PPFIBP2: variants seen among roughly 807,000 people sequenced by gnomAD.
PPFIBP2 encodes the protein liprin-beta-2.
In PPFIBP2, 118 loss-of-function variants were observed where a neutral mutation model predicts 118.3. That is an observed-to-expected ratio of 1.00 (90% CI 0.86 to 1.16). The LOEUF is 1.16. PPFIBP2 is among the 50% of genes most tolerant of loss of function. PPFIBP2 has a pLI of 0.00. For synonymous variants in PPFIBP2, 414 were observed against 397.4 expected, an observed-to-expected ratio of 1.04 and a Z score of -0.50; for missense variants, 1,195 against 1,073.1, an observed-to-expected ratio of 1.11 and a Z score of -1.59.
intron 3 of PPFIBP2, among the ~76,000 whole-genome samples, chr11:7,580,460 A>G (rs945637052): frequency 2.0e-5 from 3 of 152,214 alleles, no homozygotes; most frequent in Non-Finnish European, 2.9e-5. Context: ...CCAGAGCAGG[A>G]GCCCTTGCCC....
At chr11:7,633,158 G>T (rs1053271588) in intron 12 of PPFIBP2, among the ~76,000 whole-genome samples, 1 of 152,120 alleles carries the variant, frequency 6.6e-6, no homozygotes, top group Non-Finnish European at 1.5e-5. Flanking sequence ...ACTGAGAAAG[G>T]ATCTGGCCAA....
At chr11:7,597,456 G>T (rs1453997528) in intron 4 of PPFIBP2, 104 bp from the exon 5 acceptor site, 1 of 1,532,548 alleles carries the variant, frequency 6.5e-7, no homozygotes, top group Non-Finnish European at 8.8e-7. Context: ...TTCACTGTGT[G>T]TAAGAGTCAG....
At chr11:7,655,512 C>A, downstream of PPFIBP2, 1 of 1,288,998 alleles carries the variant, frequency 7.8e-7, no homozygotes. Context: ...GGACTCTGAC[C>A]CTCTCCCCAC....
chr11:7,582,966 T>C (rs1026994518), intron 3 of PPFIBP2, among the ~76,000 whole-genome samples: 3 of 152,172 alleles, frequency 2.0e-5, no homozygotes, highest in African/African-American at 4.8e-5. Flanking sequence ...TTCTCCTCAA[T>C]TCTCAGGGAA....
chr11:7,625,713 G>C (rs1849907871), intron 7 of PPFIBP2, 64 bp from the exon 8 acceptor site: 2 of 1,345,550 alleles, frequency 1.5e-6, no homozygotes, highest in Admixed American at 3.4e-5. Flanking sequence ...ACTCTGACGG[G>C]AGGCACTTCA....
the PPFIBP2 span, among the ~76,000 whole-genome samples, chr11:7,663,783 T>C: frequency 6.6e-6 from 1 of 152,082 alleles, no homozygotes; most frequent in African/African-American, 2.4e-5. Context: ...CAGACTGCTG[T>C]GCTAGCAATC....
rs375704129 is a variant in PPFIBP2, at chr11:7,563,341, T to G, written c.65-2212T>G. Among the ~76,000 whole-genome samples the G allele has an allele frequency of 1.4e-4, 21 of 152,272 alleles. No homozygotes were observed. The South Asian group carries it at 4.1e-3, about 30-fold the overall frequency. ...TTCCCTGAAGTTTGGCTGTGGCTGTTCTAAGTCCACTCTTAATTGGATTTG... is the reference window on the plus strand; with the variant it reads ...TTCCCTGAAGTTTGGCTGTGGCTGTGCTAAGTCCACTCTTAATTGGATTTG... On this transcript the variant is annotated intron_variant, in intron 2 of 23. Transcript: ENST00000299492.
intron 3 of PPFIBP2, chr11:7,577,654 C>G (rs1469423748): frequency 4.4e-6 from 2 of 453,894 alleles, no homozygotes; most frequent in Non-Finnish European, 8.8e-6. Context: ...TGACTGGCTG[C>G]TTTGTCTGGG....
At chr11:7,604,241 TG>T (rs1847046211) in intron 5 of PPFIBP2, among the ~76,000 whole-genome samples, 1 of 152,008 alleles carries the variant, frequency 6.6e-6, no homozygotes, top group South Asian at 2.1e-4. Context: ...CAAGGAAGAT[TG>T]GGGTGGCTAG....
chr11:7,541,672 T>C (rs1443378998), intron 1 of PPFIBP2, among the ~76,000 whole-genome samples: 1 of 152,210 alleles, frequency 6.6e-6, no homozygotes, highest in East Asian at 1.9e-4. Flanking sequence ...TGAAGATGCC[T>C]CCCAAATTGA....
intron 2 of PPFIBP2, among the ~76,000 whole-genome samples, chr11:7,554,657 A>G (rs769932779): frequency 4.6e-5 from 7 of 152,140 alleles, no homozygotes; most frequent in Non-Finnish European, 1.0e-4. Context: ...CAGGTGGTCA[A>G]TGTTGGGAGG....
downstream of PPFIBP2, among the ~76,000 whole-genome samples, chr11:7,655,893 A>G (rs186645486): frequency 1.9e-4 from 29 of 152,252 alleles, no homozygotes; most frequent in Non-Finnish European, 3.7e-4. Context: ...CTGCCCAGAG[A>G]CATATGCATT....
rs1376983677 is a variant in PPFIBP2 at position 7,549,458 on chromosome 11, A to C, written c.-18A>C. On this transcript the variant is annotated 5_prime_UTR_variant, in exon 2 of 24. Transcript: ENST00000299492. ...TTTTCAGTAAGAAGAGGAGGAGGCC[A>C]GGCAGGCAAAAGGAGTCATGGCTTC... 2.6e-6 allele frequency: 4 copies of C among 1,555,886 alleles called. No individual in the cohort carries two copies. The highest frequency in any genetic ancestry group is 3.9e-5 in the Admixed American group (2 of 51,654).
downstream of PPFIBP2, among the ~76,000 whole-genome samples, chr11:7,659,533 C>G (rs1854847261): frequency 6.7e-6 from 1 of 149,522 alleles, no homozygotes; most frequent in South Asian, 2.2e-4. Flanking sequence ...CAGTACCATG[C>G]TGTTTTGGTT....
intron 17 of PPFIBP2, among the ~76,000 whole-genome samples, chr11:7,645,026 CAAAAAAAAAAAAAAAA>C (rs57087700): frequency 1.1e-3 from 87 of 81,824 alleles, no homozygotes; most frequent in African/African-American, 3.2e-3. Flanking sequence ...GACTCCGTCT[CAAAAAAAAAAAAAAAA>C]AAAAAAAAAA....
intron 3 of PPFIBP2, among the ~76,000 whole-genome samples, chr11:7,584,490 A>G (rs905884892): frequency 2.0e-5 from 3 of 152,212 alleles, no homozygotes; most frequent in Non-Finnish European, 2.9e-5. Context: ...AATTTCTTTA[A>G]CACTGTGACA....
intron 7 of PPFIBP2, among the ~76,000 whole-genome samples, chr11:7,624,381 C>T (rs1849709070): frequency 6.6e-6 from 1 of 152,220 alleles, no homozygotes; most frequent in South Asian, 2.1e-4. Context: ...AAGCAGTGAG[C>T]ACGGGGGCTG....
chr11:7,653,843 A>G, downstream of PPFIBP2: 2 of 1,159,658 alleles, frequency 1.7e-6, no homozygotes, highest in Non-Finnish European at 2.2e-6. Flanking sequence ...GCAGAGCTGA[A>G]GAGCCGGTGG....
intron 3 of PPFIBP2, among the ~76,000 whole-genome samples, chr11:7,578,756 G>A (rs1485072383): frequency 2.0e-5 from 3 of 152,154 alleles, no homozygotes; most frequent in East Asian, 1.9e-4. Flanking sequence ...ATTATACTTC[G>A]CTGAAAACTG....
Sources: gnomAD v4.1 joint callset for allele counts (sites outside exome capture counted in the v4.1 genomes callset) on GRCh38, gnomAD v4.1.1 for gene constraint, MANE v1.5 for transcripts, NCBI Gene and HGNC (gene_info 2026-07-23, HGNC 2026-07-21) for gene names.